Variants in MYO10 observed in about 807,000 individuals in gnomAD.
MYO10 encodes myosin X, also known as unconventional myosin-X.
In MYO10, 133 loss-of-function variants were observed where a neutral mutation model predicts 257.3. The ratio of observed to expected loss-of-function variants is 0.52; its 90% CI spans 0.45 to 0.60. The LOEUF (loss-of-function observed/expected upper bound fraction) is 0.60, where lower values mean the gene tolerates loss of function less well. MYO10 is among the 20% of genes least tolerant of loss of function. The probability of loss-of-function intolerance (pLI) is 0.00; values close to 1 mark genes in which losing one functional copy is unlikely to be tolerated. For synonymous variants in MYO10, 1,104 were observed against 1,028.6 expected (o/e 1.07, Z -1.40); for missense variants, 2,399 against 2,635.7 (o/e 0.91, Z 1.97).
At chr5:16,774,648 C>T (rs1409031481) in intron 9 of MYO10, among the ~76,000 whole-genome samples, 1 of 152,104 alleles carries the variant, frequency 6.6e-6, no homozygotes, top group Non-Finnish European at 1.5e-5. Context: ...GTCTCGATCT[C>T]CTGACCTCAT....
intron 3 of MYO10, among the ~76,000 whole-genome samples, chr5:16,798,930 A>G (rs1330056343): frequency 2.6e-5 from 4 of 152,110 alleles, no homozygotes; most frequent in African/African-American, 9.7e-5. Context: ...CATTAAGCTT[A>G]TTATTAAATT....
chr5:16,698,581 C>T (rs1737869248), intron 26 of MYO10, among the ~76,000 whole-genome samples: 1 of 151,426 alleles, frequency 6.6e-6, no homozygotes. Flanking sequence ...TCTAGCACAT[C>T]CTTTTAGGCT....
chr5:16,753,801 A>T (rs1385910761), intron 19 of MYO10, among the ~76,000 whole-genome samples: 1 of 152,146 alleles, frequency 6.6e-6, no homozygotes, highest in Non-Finnish European at 1.5e-5. Context: ...ACATCTTTAA[A>T]CTATAAATGA....
intron 27 of MYO10, 135 bp from the exon 28 acceptor site, chr5:16,690,054 C>T (rs1737428937): frequency 1.5e-6 from 1 of 657,046 alleles, no homozygotes; most frequent in Non-Finnish European, 2.7e-6. Context: ...GTTGGCTCTC[C>T]ATATCTGCGA....
chr5:16,745,642 A>C (rs768619794), intron 19 of MYO10, among the ~76,000 whole-genome samples: 2 of 152,078 alleles, frequency 1.3e-5, no homozygotes, highest in East Asian at 3.9e-4. Flanking sequence ...GAGTTATGAT[A>C]GTGCCACTAC....
chr5:16,918,160 A>G (rs114166599), intron 1 of MYO10, among the ~76,000 whole-genome samples: 10,558 of 152,212 alleles, frequency 0.069, 431 homozygotes, highest in African/African-American at 0.11. Context: ...TAAAATTGTT[A>G]TCATTAAACT....
intron 4 of MYO10, among the ~76,000 whole-genome samples, chr5:16,785,572 A>G (rs1245210708): frequency 6.6e-6 from 1 of 152,216 alleles, no homozygotes; most frequent in Non-Finnish European, 1.5e-5. Flanking sequence ...CCCTTGCAGT[A>G]AAAACAGCAG....
At chr5:16,718,346 C>T (rs987670458) in intron 19 of MYO10, among the ~76,000 whole-genome samples, 7 of 152,172 alleles carry the variant, frequency 4.6e-5, no homozygotes, top group Admixed American at 1.3e-4. Context: ...GAGCGCACGG[C>T]GCAGGACTGG....
chr5:16,863,484 A>G (rs1210312769), intron 2 of MYO10, among the ~76,000 whole-genome samples: 1 of 152,214 alleles, frequency 6.6e-6, no homozygotes, highest in African/African-American at 2.4e-5. Context: ...AATGCTGTGT[A>G]CCTTTGGCAA....
intron 2 of MYO10, among the ~76,000 whole-genome samples, chr5:16,822,982 C>T (rs1021917895): frequency 4.6e-5 from 7 of 152,066 alleles, no homozygotes; most frequent in South Asian, 4.2e-4. Context: ...CCACCGCACC[C>T]GGCCTAATTT....
chr5:16,778,769 C>T (rs1035025622), intron 9 of MYO10, among the ~76,000 whole-genome samples: 1 of 149,154 alleles, frequency 6.7e-6, no homozygotes, highest in Non-Finnish European at 1.5e-5. Flanking sequence ...CGGCTCACTG[C>T]AAGCTCCGCC....
chr5:16,933,930 G>A (rs956005585), intron 1 of MYO10, among the ~76,000 whole-genome samples: 1 of 152,210 alleles, frequency 6.6e-6, no homozygotes, highest in African/African-American at 2.4e-5. Flanking sequence ...AAAGTCACCA[G>A]CAGCAAAGGA....
intron 2 of MYO10, among the ~76,000 whole-genome samples, chr5:16,830,731 A>G (rs568111674): frequency 1.4e-5 from 2 of 141,128 alleles, no homozygotes; most frequent in South Asian, 2.2e-4. Context: ...CCTTCATTCT[A>G]AAAACTTACA....
At chr5:16,843,837 C>G (rs1290472409) in intron 2 of MYO10, among the ~76,000 whole-genome samples, 1 of 152,146 alleles carries the variant, frequency 6.6e-6, no homozygotes, top group African/African-American at 2.4e-5. Context: ...GCTTCTAGGT[C>G]TTCTGAAGTT....
chr5:16,704,580 G>A lies in MYO10; in HGVS notation c.2275C>T (p.Arg759Ter), dbSNP rs371954039. 6 of 1,612,312 alleles carry A rather than the reference G, an allele frequency of 3.7e-6. No homozygotes were observed. Among genetic ancestry groups the A allele is most frequent in the African/African-American group, 1.3e-5 (1 of 74,860 alleles). Residue 759 changes from arginine (R) to a stop codon, truncating the protein, a stop_gained and splice_region_variant, in exon 22 of 41, where the codon CGA becomes TGA. Coordinates refer to ENST00000513610, the MANE Select transcript of MYO10 (RefSeq NM_012334.3). LOFTEE classifies it high-confidence loss of function. ...ATCCCCTCAGCGTGGGGTTCTTACC[G>A]TGCTAAGAAGCCCAAGACATGGGCC... ...IRAHVLGFLARKQYRKVLYCV... is the reference protein window; with the variant it reads ...IRAHVLGFLA
intron 35 of MYO10, among the ~76,000 whole-genome samples, chr5:16,674,092 T>C (rs1290196585): frequency 6.6e-6 from 1 of 152,200 alleles, no homozygotes; most frequent in Non-Finnish European, 1.5e-5. Context: ...AAAGAGCCAA[T>C]GTCTCACTGG....
rs764851939 is a variant in MYO10 at position 16,702,576 on chromosome 5, T to G, written c.2523A>C (p.Arg841Ser). The G allele has an allele frequency of 5.4e-5, 85 of 1,582,682 alleles. No individual in the cohort carries two copies. Among genetic ancestry groups the G allele is most frequent in the Non-Finnish European group, 1.7e-5 (20 of 1,163,636 alleles). Residue 841 changes from arginine to serine, a missense_variant, in exon 24 of 41, where the codon AGA becomes AGC. Arg to Ser is a moderately radical substitution (Grantham distance 110). This residue lies in a region of MYO10 where 1,820 missense variants were observed against 1,939.4 expected (regional missense o/e 0.94). Coordinates refer to ENST00000513610, the MANE Select transcript of MYO10 (RefSeq NM_012334.3). ...CGCGGAGCTCGGCTTCTCTTCGCTC[T>G]CTCTCTCTTTCTCTAAAAATAGTAA... ...KREEEERERE[R>S]ERREAELRAQ...
At chr5:16,933,330 G>A (rs1436621951) in intron 1 of MYO10, among the ~76,000 whole-genome samples, 1 of 152,170 alleles carries the variant, frequency 6.6e-6, no homozygotes, top group African/African-American at 2.4e-5. Context: ...ACTCAGCAAT[G>A]GTACCAGGTT....
chr5:16,915,741 A>C (rs1421009560), intron 1 of MYO10, among the ~76,000 whole-genome samples: 1 of 152,252 alleles, frequency 6.6e-6, no homozygotes, highest in East Asian at 1.9e-4. Flanking sequence ...GGATCACCTA[A>C]GGTCAGGAGT....
Sources: gnomAD v4.1 joint callset for allele counts (sites outside exome capture counted in the v4.1 genomes callset) on GRCh38, gnomAD v4.1.1 for gene constraint, gnomAD v4.1.1 regional missense constraint, MANE v1.5 for transcripts, NCBI Gene and HGNC (gene_info 2026-07-23, HGNC 2026-07-21) for gene names.